The following ERG variants were observed in gnomAD, a reference collection of about 807,000 sequenced individuals.
ERG encodes the protein ETS transcription factor ERG, also known as transcriptional regulator ERG.
ERG carries 9 observed loss-of-function variants against 55.3 expected under a neutral mutation model. The observed-to-expected ratio is 0.16, with a 90% confidence interval of 0.10 to 0.28. The LOEUF (loss-of-function observed/expected upper bound fraction) is 0.28, where lower values mean the gene tolerates loss of function less well. ERG is among the 10% of genes least tolerant of loss of function. The pLI is 1.00. For missense variants in ERG, 434 were observed against 631.6 expected, an observed-to-expected ratio of 0.69 and a Z score of 3.35; for synonymous variants, 223 against 237.3, an observed-to-expected ratio of 0.94 and a Z score of 0.55.
intron 1 of ERG, chr21:38,474,074 T>A (rs1292493619): frequency 1.3e-5 from 2 of 152,056 alleles, no homozygotes; most frequent in African/African-American, 4.8e-5. Context: ...AGCAATGAGA[T>A]CTTGGAGGGG....
chr21:38,647,071 T>G (rs2060461561), intron 1 of ERG, among the ~76,000 whole-genome samples: 1 of 152,220 alleles, frequency 6.6e-6, no homozygotes, highest in African/African-American at 2.4e-5. Flanking sequence ...AAGTACCGTG[T>G]CACCTTCTCA....
At chr21:38,612,222 A>G (rs11911299) in intron 1 of ERG, among the ~76,000 whole-genome samples, 9,566 of 152,188 alleles carry the variant, frequency 0.063, 962 homozygotes, top group African/African-American at 0.22. Context: ...ATCCCATTGA[A>G]ATGGACCTTC....
chr21:38,587,063 C>G (rs1260058691), upstream of ERG, among the ~76,000 whole-genome samples: 2 of 152,210 alleles, frequency 1.3e-5, no homozygotes, highest in Non-Finnish European at 2.9e-5. Context: ...CATCCTCTCA[C>G]TTATACATAG....
At chr21:38,548,673 C>T (rs2059803928) in intron 2 of ERG, among the ~76,000 whole-genome samples, 1 of 144,370 alleles carries the variant, frequency 6.9e-6, no homozygotes, top group Admixed American at 7.0e-5. Context: ...ACCGTGTTAG[C>T]CAGGATGGTC....
chr21:38,620,968 G>T (rs1307316671), intron 1 of ERG, among the ~76,000 whole-genome samples: 1 of 152,246 alleles, frequency 6.6e-6, no homozygotes, highest in African/African-American at 2.4e-5. Context: ...AGTGAAGGAT[G>T]ATGCCATCAG....
At chr21:38,392,273 G>T in intron 7 of ERG, 103 bp downstream of exon 7, 1 of 983,342 alleles carries the variant, frequency 1.0e-6, no homozygotes, top group Non-Finnish European at 1.6e-6. Flanking sequence ...CCCATCACAT[G>T]TTGCAAAATC....
intron 2 of ERG, among the ~76,000 whole-genome samples, chr21:38,436,020 C>CTTTTTTTT (rs11384369): frequency 2.3e-5 from 3 of 133,330 alleles, no homozygotes; most frequent in Non-Finnish European, 3.1e-5. Flanking sequence ...TTCTTTTTTT[C>CTTTTTTTT]TTTTTTTTTT....
At position 38,515,606 on chromosome 21, in the gene ERG, A is replaced by G. The variant is rs531871093; in HGVS notation, c.-41+60056T>C. On this transcript the variant is annotated intron_variant, in intron 2 of 8. Transcript: ENST00000398897. ...CATTACCCTCATAACAAAATCAGAC[A>G]AGAACACAACAAAAAAGAAAACTAC... is the stretch of plus-strand genomic sequence containing the variant. Among the ~76,000 whole-genome samples, 5 of 152,108 alleles carry G rather than the reference A, an allele frequency of 3.3e-5. No individual in the cohort carries two copies. The South Asian group carries it at 1.0e-3, about 32-fold the overall frequency.
intron 1 of ERG, among the ~76,000 whole-genome samples, chr21:38,459,636 T>A (rs1229740393): frequency 6.6e-6 from 1 of 152,182 alleles, no homozygotes; most frequent in Non-Finnish European, 1.5e-5. Context: ...GGGCTAGAGA[T>A]ACCTTTATTC....
chr21:38,407,004 C>T lies in ERG; in HGVS notation c.389-3295G>A, dbSNP rs990170000. On this transcript the variant is annotated intron_variant, in intron 3 of 9. Coordinates refer to ENST00000288319, the MANE Select transcript of ERG (RefSeq NM_182918.4). ...TTGGTAAAAGGCTGTTCTGGAGTTC[C>T]GGAGTTCTGCCAATATGAGTATAAA... is the stretch of plus-strand genomic sequence containing the variant. Among the ~76,000 whole-genome samples, 12 of 152,112 alleles carry T rather than the reference C, an allele frequency of 7.9e-5. No individual in the cohort carries two copies. In the South Asian group the frequency reaches 8.3e-4, roughly 11 times the overall value.
intron 3 of ERG, 99 bp from the exon 4 acceptor site, chr21:38,403,808 C>T: frequency 8.6e-7 from 1 of 1,162,032 alleles, no homozygotes; most frequent in East Asian, 2.5e-5. Context: ...CAGCTGCCTT[C>T]CACAAGCACA....
At chr21:38,501,082 T>C (rs1015755498), upstream of ERG, among the ~76,000 whole-genome samples, 2 of 149,328 alleles carry the variant, frequency 1.3e-5, no homozygotes, top group African/African-American at 5.0e-5. Context: ...TTTTTTTTTT[T>C]TTTGGGACGG....
At position 38,383,607 on chromosome 21, in the gene ERG, G is replaced by C. The variant is rs926589714; in HGVS notation, c.1236C>G (p.Pro412=). 3 of 1,613,740 alleles carry C rather than the reference G, an allele frequency of 1.9e-6. No individual in the cohort carries two copies. The African/African-American group carries it at 4.0e-5, about 22-fold the overall frequency. Reference sequence around the variant, plus strand: ...AGGAGCCCATGTACGGGAGGTCTGAGGGGTACTTGTACAGAGATGACTCCG... The same window carrying C: ...AGGAGCCCATGTACGGGAGGTCTGACGGGTACTTGTACAGAGATGACTCCG... ...HPPESSLYKY[P]SDLPYMGSYH... Residue 412 remains proline, a synonymous_variant, in exon 10 of 10, where the codon CCC becomes CCG. Transcript: ENST00000288319. The surrounding 1 kb of genome is among the most constrained non-coding windows in gnomAD (Gnocchi z 5.7).
chr21:38,661,603 C>A (rs1397160168), intron 1 of ERG: 3 of 152,308 alleles, frequency 2.0e-5, no homozygotes, highest in Admixed American at 2.0e-4. Context: ...CGGGGCTAAG[C>A]CCCTTCCAGA....
chr21:38,388,828 AGGGCATCCCCGGGCTGCT>A (rs1372862389), intron 9 of ERG, among the ~76,000 whole-genome samples: 1 of 152,124 alleles, frequency 6.6e-6, no homozygotes, highest in East Asian at 1.9e-4. Flanking sequence ...CTATCTACAA[AGGGCATCCCCGGGCTGCT>A]GGGCCCAGGG....
At chr21:38,515,616 C>CA (rs1258384756) in intron 2 of ERG, among the ~76,000 whole-genome samples, 2 of 151,908 alleles carry the variant, frequency 1.3e-5, no homozygotes, top group African/African-American at 2.4e-5. Flanking sequence ...AAGAACACAA[C>CA]AAAAAAGAAA....
At chr21:38,481,729 A>C (rs2059240174) in intron 1 of ERG, among the ~76,000 whole-genome samples, 1 of 152,232 alleles carries the variant, frequency 6.6e-6, no homozygotes, top group Admixed American at 6.5e-5. Flanking sequence ...GCCTGATTCC[A>C]ATGAATACAG....
chr21:38,411,413 G>A (rs1394849415), intron 3 of ERG, among the ~76,000 whole-genome samples: 1 of 152,056 alleles, frequency 6.6e-6, no homozygotes, highest in African/African-American at 2.4e-5. Context: ...TGCCTCCCAG[G>A]TTCAACTGCC....
At chr21:38,387,232 C>CAGT (rs1439656460) in intron 9 of ERG, among the ~76,000 whole-genome samples, 2 of 152,212 alleles carry the variant, frequency 1.3e-5, no homozygotes, top group African/African-American at 4.8e-5. Context: ...GGGGCCCCAC[C>CAGT]AGTACCATGT....
Sources: allele counts gnomAD v4.1 joint callset (sites outside exome capture counted in the v4.1 genomes callset), GRCh38; gene constraint gnomAD v4.1.1; non-coding constraint Gnocchi (gnomAD v3.1); transcripts MANE v1.5; gene names NCBI Gene and HGNC (gene_info 2026-07-23, HGNC 2026-07-21).